The following DLG2 variants were observed in gnomAD, a reference collection of about 807,000 sequenced individuals.
DLG2 encodes discs large MAGUK scaffold protein 2.
DLG2 carries 45 observed loss-of-function variants against 132.5 expected under a neutral mutation model. The ratio of observed to expected loss-of-function variants is 0.34; its 90% CI spans 0.27 to 0.44. DLG2 has a LOEUF of 0.44. Ranked by LOEUF, DLG2 falls within the 20% of genes least tolerant of loss-of-function variation. The pLI is 1.00. For synonymous variants in DLG2, 424 were observed against 419.6 expected, an observed-to-expected ratio of 1.01 and a Z score of -0.13; for missense variants, 1,045 against 1,196.9, an observed-to-expected ratio of 0.87 and a Z score of 1.87.
chr11:83,599,341 A>C (rs1323713545), intron 19 of DLG2, among the ~76,000 whole-genome samples: 1 of 152,060 alleles, frequency 6.6e-6, no homozygotes, highest in Non-Finnish European at 1.5e-5. Context: ...TGCATGATAG[A>C]TTCCTGAGGG....
chr11:83,483,661 G>A (rs1279515027), intron 22 of DLG2, among the ~76,000 whole-genome samples: 1 of 152,120 alleles, frequency 6.6e-6, no homozygotes, highest in Non-Finnish European at 1.5e-5. Flanking sequence ...ACCATTACAA[G>A]CTCAGTGCTC....
rs544290647 is a variant in DLG2, at chr11:85,459,145, G to A, written c.40+139512C>T. Reference sequence around the variant, plus strand: ...TGGAGGTGTGGTTAAAGCACTCAGGGTCTTCGCTGCTTCTCCAATTCAAGG... The same window carrying A: ...TGGAGGTGTGGTTAAAGCACTCAGGATCTTCGCTGCTTCTCCAATTCAAGG... On this transcript the variant is annotated intron_variant, in intron 3 of 27. Coordinates refer to ENST00000376104, the MANE Select transcript of DLG2 (RefSeq NM_001142699.3). Among the ~76,000 whole-genome samples, 5 of 152,292 alleles carry A rather than the reference G, an allele frequency of 3.3e-5. No homozygotes were observed. The South Asian group carries it at 8.3e-4, about 25-fold the overall frequency.
intron 4 of DLG2, among the ~76,000 whole-genome samples, chr11:85,163,224 GACACACAC>G (rs112583126): frequency 7.4e-6 from 1 of 135,136 alleles, no homozygotes; most frequent in African/African-American, 2.9e-5. Flanking sequence ...CACACACACA[GACACACAC>G]ACACACACAC....
At chr11:85,557,049 A>T (rs947798726) in intron 3 of DLG2, among the ~76,000 whole-genome samples, 1 of 151,824 alleles carries the variant, frequency 6.6e-6, no homozygotes. Flanking sequence ...AACTCTAAAG[A>T]TTCTACCAAG....
Position 84,530,731 on chromosome 11 carries a change from T to G in DLG2, c.519+3839A>C, listed in dbSNP as rs539461298. On this transcript the variant is annotated intron_variant, in intron 7 of 27. Transcript: ENST00000376104. ...GCAGTTTGACAATTTCTCAAATAAC[T>G]TAAAACAGAACTGTCATTCGACCAA... 2.0e-4 allele frequency among the ~76,000 whole-genome samples: 31 copies of G among 152,310 alleles called. 1 individual carries two copies. In the South Asian group the frequency reaches 6.0e-3, roughly 29 times the overall value.
intron 4 of DLG2, among the ~76,000 whole-genome samples, chr11:85,257,978 A>G (rs1276297037): frequency 1.3e-5 from 2 of 152,172 alleles, no homozygotes; most frequent in Non-Finnish European, 2.9e-5. Flanking sequence ...ACCTGGCTCT[A>G]TAGAAGAAGA....
intron 6 of DLG2, among the ~76,000 whole-genome samples, chr11:84,565,857 A>G (rs1300687177): frequency 6.6e-6 from 1 of 152,124 alleles, no homozygotes; most frequent in Non-Finnish European, 1.5e-5. Context: ...GATGATCACT[A>G]GAATGATCAT....
At chr11:85,465,533 C>T (rs1403992564) in intron 3 of DLG2, among the ~76,000 whole-genome samples, 1 of 152,062 alleles carries the variant, frequency 6.6e-6, no homozygotes, top group Non-Finnish European at 1.5e-5. Context: ...TCAATTCCCA[C>T]CTATGAGTGA....
chr11:83,993,667 C>G (rs1173586050), intron 11 of DLG2, among the ~76,000 whole-genome samples: 2 of 152,100 alleles, frequency 1.3e-5, no homozygotes, highest in African/African-American at 4.8e-5. Flanking sequence ...GAATATCCTC[C>G]AAGCTTCCAT....
At chr11:84,591,837 A>C (rs1391949845) in intron 6 of DLG2, among the ~76,000 whole-genome samples, 1 of 152,052 alleles carries the variant, frequency 6.6e-6, no homozygotes, top group East Asian at 1.9e-4. Context: ...GGACCCAAGG[A>C]GCAGGGATTT....
intron 18 of DLG2, among the ~76,000 whole-genome samples, chr11:83,730,416 G>A (rs190013854): frequency 6.6e-6 from 1 of 152,162 alleles, no homozygotes; most frequent in East Asian, 1.9e-4. Flanking sequence ...ACCGGAATAT[G>A]CCTCCCCAAA....
rs541272407 is a variant in DLG2 at position 84,863,230 on chromosome 11, A to G, written c.357+248431T>C. ...AAGCCTGCAGTCTAATGGATTGTCC[A>G]GTTTCATTCTTCTAATAGCTTCTGA... On this transcript the variant is annotated intron_variant, in intron 6 of 27. Coordinates refer to ENST00000376104, the MANE Select transcript of DLG2 (RefSeq NM_001142699.3). Among the ~76,000 whole-genome samples, 144 of 152,184 alleles carry G rather than the reference A, an allele frequency of 9.5e-4. 2 individuals are homozygous for G. The highest frequency in any genetic ancestry group is 3.4e-3 in the African/African-American group (142 of 41,542).
At chr11:85,301,760 G>A (rs985531740) in intron 3 of DLG2, among the ~76,000 whole-genome samples, 17 of 152,092 alleles carry the variant, frequency 1.1e-4, no homozygotes, top group Admixed American at 2.0e-4. Context: ...AGTCTCTAAC[G>A]GTCACTATGC....
intron 3 of DLG2, among the ~76,000 whole-genome samples, chr11:85,493,494 C>T (rs74941414): frequency 0.035 from 5,396 of 152,140 alleles, 144 homozygotes; most frequent in Admixed American, 0.053. Context: ...CCATGAACTG[C>T]GTAATTTATA....
intron 4 of DLG2, among the ~76,000 whole-genome samples, chr11:85,180,826 G>C (rs1386483978): frequency 6.6e-6 from 1 of 151,720 alleles, no homozygotes; most frequent in Non-Finnish European, 1.5e-5. Context: ...GATGAACCCA[G>C]ACTGGAACTC....
At chr11:84,797,801 G>T (rs186954258) in intron 6 of DLG2, among the ~76,000 whole-genome samples, 54 of 152,208 alleles carry the variant, frequency 3.5e-4, no homozygotes, top group African/African-American at 1.2e-3. Context: ...TGAAGAGCTC[G>T]GGATTTCTTG....
chr11:85,212,035 T>C (rs1014669193), intron 4 of DLG2, among the ~76,000 whole-genome samples: 3 of 152,150 alleles, frequency 2.0e-5, no homozygotes, highest in Non-Finnish European at 2.9e-5. Context: ...AAAATTCCCA[T>C]TGCATTTTAT....
intron 6 of DLG2, among the ~76,000 whole-genome samples, chr11:84,969,791 G>A (rs543646605): frequency 2.0e-5 from 3 of 152,192 alleles, no homozygotes; most frequent in Admixed American, 6.5e-5. Flanking sequence ...ATGACAGACT[G>A]GATAAAGAAA....
rs573177349 is a variant in DLG2, at chr11:84,641,707, G to T, written c.358-106976C>A. 1.1e-4 allele frequency among the ~76,000 whole-genome samples: 16 copies of T among 152,098 alleles called. No individual in the cohort carries two copies. In the South Asian group the frequency reaches 3.1e-3, roughly 30 times the overall value. ...TCTACTTTCAAGCTTGGATTACCTT[G>T]GGCAAGAGCTTAATCTTGCTGTGCA... On this transcript the variant is annotated intron_variant, in intron 6 of 27. Coordinates refer to ENST00000376104, the MANE Select transcript of DLG2 (RefSeq NM_001142699.3).
Sources: gnomAD v4.1 joint callset for allele counts (sites outside exome capture counted in the v4.1 genomes callset) on GRCh38, gnomAD v4.1.1 for gene constraint, MANE v1.5 for transcripts, NCBI Gene and HGNC (gene_info 2026-07-23, HGNC 2026-07-21) for gene names.